The following RAVER2 variants were observed in gnomAD, a reference collection of about 807,000 sequenced individuals.
RAVER2 encodes ribonucleoprotein, PTB binding 2.
Under a neutral mutation model 78.1 loss-of-function variants are expected in RAVER2, and 46 were observed. The observed-to-expected ratio is 0.59, with a 90% confidence interval of 0.46 to 0.75. The LOEUF (loss-of-function observed/expected upper bound fraction) is 0.75. Among genes scored for constraint, RAVER2 ranks in the 30% least tolerant of loss-of-function variants. The pLI is 0.00. For synonymous variants in RAVER2, 311 were observed against 313.3 expected (o/e 0.99, Z 0.08); for missense variants, 793 against 837.5 (o/e 0.95, Z 0.66).
At chr1:64,788,991 G>A (rs1180354292) in intron 4 of RAVER2, among the ~76,000 whole-genome samples, 1 of 152,144 alleles carries the variant, frequency 6.6e-6, no homozygotes, top group East Asian at 1.9e-4. Context: ...TTACAGGTGT[G>A]AGGCACTTTG....
intron 4 of RAVER2, 82 bp from the exon 5 acceptor site, chr1:64,789,306 A>T: frequency 7.5e-6 from 9 of 1,205,864 alleles, no homozygotes; most frequent in Non-Finnish European, 1.0e-5. Context: ...CAGATGAATG[A>T]GGATTTCTAG....
intron 9 of RAVER2, 114 bp downstream of exon 9, chr1:64,807,588 TA>T: frequency 9.0e-7 from 1 of 1,106,280 alleles, no homozygotes; most frequent in Admixed American, 3.0e-5. Context: ...TTTCATAGTT[TA>T]CATTTACTTT....
rs369302868 is a variant in RAVER2, at chr1:64,807,328, C to T, written c.1534C>T (p.Pro512Ser). The T allele has an allele frequency of 1.9e-5, 31 of 1,613,940 alleles. No homozygotes were observed. Among genetic ancestry groups the T allele is most frequent in the Non-Finnish European group, 2.5e-5 (30 of 1,180,010 alleles). Reference sequence around the variant, plus strand: ...GCACAGTAATACTCAGGAGAAACAGCCAGCCACGGTGGGAATGGCAGAAGG... The same window carrying T: ...GCACAGTAATACTCAGGAGAAACAGTCAGCCACGGTGGGAATGGCAGAAGG... Residue 512 changes from proline to serine, a missense_variant, in exon 9 of 12, where the codon CCA becomes TCA. Transcript: ENST00000294428.
At chr1:64,830,183 T>C (rs1366737127) in intron 11 of RAVER2, among the ~76,000 whole-genome samples, 3 of 152,228 alleles carry the variant, frequency 2.0e-5, no homozygotes, top group Admixed American at 1.3e-4. Flanking sequence ...TGAGCAGTGC[T>C]ACACCATCTG....
At chr1:64,802,851 C>A in intron 5 of RAVER2, 125 bp from the exon 6 acceptor site, 1 of 557,914 alleles carries the variant, frequency 1.8e-6, no homozygotes, top group Non-Finnish European at 3.2e-6. Context: ...GTCACTATAT[C>A]ATTGAACTTT....
In RAVER2 at chr1:64,824,932, C is replaced by CAAAAAAAAAAAA. The variant is rs56179197; in HGVS notation, c.1930-5891_1930-5880dup. On this transcript the variant is annotated intron_variant, in intron 11 of 11. Coordinates refer to ENST00000294428, the Ensembl canonical transcript of RAVER2. ...GGCAACAGAGCGAGACCCTGTCTCC[C>CAAAAAAAAAAAA]AAAAAAAAAAAAAAAAAAAAAAAAA... Among the ~76,000 whole-genome samples the CAAAAAAAAAAAA allele has an allele frequency of 2.9e-3, 233 of 79,384 alleles. 9 individuals carry two copies. Among genetic ancestry groups the CAAAAAAAAAAAA allele is most frequent in the African/African-American group, 9.3e-3 (120 of 12,880 alleles). The allele number at this position is 79,384 out of a possible 152,430, so 52.1% of individuals were successfully genotyped here.
chr1:64,794,205 T>G (rs894657899), intron 5 of RAVER2, among the ~76,000 whole-genome samples: 1 of 151,622 alleles, frequency 6.6e-6, no homozygotes, highest in African/African-American at 2.4e-5. Flanking sequence ...GGTCAAGAGA[T>G]TGAGACCACG....
chr1:64,796,937 C>A (rs1416641158), intron 5 of RAVER2, among the ~76,000 whole-genome samples: 4 of 152,092 alleles, frequency 2.6e-5, no homozygotes, highest in Non-Finnish European at 5.9e-5. Flanking sequence ...TATTTTCATT[C>A]ATTTCAAAAT....
chr1:64,818,459 C>A (rs1034457259), intron 11 of RAVER2, among the ~76,000 whole-genome samples: 2 of 151,988 alleles, frequency 1.3e-5, no homozygotes, highest in Non-Finnish European at 2.9e-5. Context: ...TGGCGTGAAC[C>A]CAGGAGGCGG....
chr1:64,794,536 C>T (rs1238594892), intron 5 of RAVER2, among the ~76,000 whole-genome samples: 1 of 151,960 alleles, frequency 6.6e-6, no homozygotes, highest in Admixed American at 6.6e-5. Flanking sequence ...TTAATTTTAG[C>T]CTTTCTATTG....
intron 2 of RAVER2, among the ~76,000 whole-genome samples, chr1:64,771,352 G>A (rs1285992958): frequency 6.6e-6 from 1 of 151,884 alleles, no homozygotes. Context: ...TGATGAAATA[G>A]AGATGTTTTT....
intron 9 of RAVER2, 99 bp downstream of exon 9, chr1:64,807,573 G>T: frequency 8.3e-7 from 1 of 1,201,578 alleles, no homozygotes; most frequent in South Asian, 2.1e-5. Context: ...ATGAAATGAT[G>T]ACTTTTTCAT....
At chr1:64,807,317 A>G in exon 9 of RAVER2, 2 of 1,614,174 alleles carry the variant, frequency 1.2e-6, no homozygotes, top group Non-Finnish European at 1.7e-6. Flanking sequence ...AGTAATACTC[A>G]GGAGAAACAG....
chr1:64,818,016 A>G (rs1653794694), intron 11 of RAVER2, among the ~76,000 whole-genome samples: 1 of 152,230 alleles, frequency 6.6e-6, no homozygotes, highest in African/African-American at 2.4e-5. Flanking sequence ...TTCAAAGGCC[A>G]CATTATTTAT....
At chr1:64,809,829 G>C (rs1466757095) in intron 9 of RAVER2, among the ~76,000 whole-genome samples, 1 of 152,036 alleles carries the variant, frequency 6.6e-6, no homozygotes, top group Non-Finnish European at 1.5e-5. Flanking sequence ...ACTATTCTAG[G>C]TACCTAGGTG....
intron 4 of RAVER2, among the ~76,000 whole-genome samples, chr1:64,788,341 G>A (rs1652840221): frequency 1.3e-5 from 2 of 151,392 alleles, no homozygotes; most frequent in East Asian, 1.9e-4. Flanking sequence ...GTGTGGTGGC[G>A]GGCACCTGTA....
At chr1:64,777,656 A>C in exon 3 of RAVER2, 1 of 1,613,634 alleles carries the variant, frequency 6.2e-7, no homozygotes, top group Non-Finnish European at 8.5e-7. Flanking sequence ...GAACAAGCCC[A>C]GAACGCAATT....
intron 5 of RAVER2, among the ~76,000 whole-genome samples, chr1:64,795,311 CTT>C (rs1653066883): frequency 6.6e-6 from 1 of 152,022 alleles, no homozygotes; most frequent in Admixed American, 6.6e-5. Context: ...TTTGCATTGA[CTT>C]ATAAATTTTA....
chr1:64,822,175 C>A lies in RAVER2; in HGVS notation c.1929+7335C>A, dbSNP rs557007792. On this transcript the variant is annotated intron_variant, in intron 11 of 11. Coordinates refer to ENST00000294428, the Ensembl canonical transcript of RAVER2. Reference sequence around the variant, plus strand: ...TGGTGGTGGGCGCCTGTAGTCCCAGCTACTCGGGAGGCTGAGGCAGGAGAA... The same window carrying A: ...TGGTGGTGGGCGCCTGTAGTCCCAGATACTCGGGAGGCTGAGGCAGGAGAA... Among the ~76,000 whole-genome samples the A allele has an allele frequency of 4.5e-3, 681 of 152,166 alleles. 4 individuals carry two copies. The highest frequency in any genetic ancestry group is 6.6e-3 in the Non-Finnish European group (450 of 67,992).
Sources: allele counts gnomAD v4.1 joint callset (sites outside exome capture counted in the v4.1 genomes callset), GRCh38; gene constraint gnomAD v4.1.1; transcripts MANE v1.5; gene names NCBI Gene and HGNC (gene_info 2026-07-23, HGNC 2026-07-21).